BICD1: variants seen among roughly 807,000 people sequenced by gnomAD.
The protein encoded by BICD1 is protein bicaudal D homolog 1.
A neutral mutation model predicts 92.5 loss-of-function variants in BICD1; 35 were observed. The observed-to-expected ratio is 0.38, with a 90% confidence interval of 0.29 to 0.50. The LOEUF (loss-of-function observed/expected upper bound fraction) is 0.50, where lower values mean the gene tolerates loss of function less well. Among genes scored for constraint, BICD1 ranks in the 20% least tolerant of loss-of-function variants. The probability of loss-of-function intolerance (pLI) is 0.93; values close to 1 mark genes in which losing one functional copy is unlikely to be tolerated. For missense variants in BICD1, 950 were observed against 1,189.8 expected (o/e 0.80, Z 2.97); for synonymous variants, 429 against 465.1 (o/e 0.92, Z 1.00).
chr12:32,185,658 G>T (rs1212801973), intron 1 of BICD1, among the ~76,000 whole-genome samples: 3 of 152,228 alleles, frequency 2.0e-5, no homozygotes, highest in African/African-American at 7.2e-5. Context: ...CTGCAGTCGT[G>T]CAGGAGAGGG....
chr12:32,338,979 G>A lies in BICD1; in HGVS notation c.2764G>A (p.Asp922Asn), dbSNP rs756728997. The A allele has an allele frequency of 1.9e-6, 3 of 1,586,356 alleles. No individual in the cohort carries two copies. In the South Asian group the frequency reaches 3.5e-5, roughly 18 times the overall value. ...KEKRLTVAPP[D>N]CQQPAASVPP... is the part of the protein sequence containing the mutation. ...AAAAAGGTTAACCGTGGCTCCACCA[G>A]GTAAACATTTTTTCCTTGGGTGCAT... The change falls in exon 8 of 10, where the codon GAT becomes AAT. Residue 922 changes from aspartate to asparagine, a missense_variant and splice_region_variant. By Grantham distance (23) the Asp-to-Asn change is conservative. Transcript: ENST00000652176.
chr12:32,265,535 C>G (rs1458104126), intron 2 of BICD1, among the ~76,000 whole-genome samples: 6 of 137,428 alleles, frequency 4.4e-5, no homozygotes, highest in Non-Finnish European at 9.3e-5. Context: ...ATAGTGAGAC[C>G]CCGTTTCTAC....
intron 8 of BICD1, among the ~76,000 whole-genome samples, chr12:32,361,646 G>A (rs112398335): frequency 4.4e-4 from 67 of 152,266 alleles, no homozygotes; most frequent in African/African-American, 1.6e-3. Context: ...TAGTTTTCAT[G>A]GGAACACGTG....
At chr12:32,162,836 A>G (rs542185309) in intron 1 of BICD1, among the ~76,000 whole-genome samples, 1 of 152,178 alleles carries the variant, frequency 6.6e-6, no homozygotes. Context: ...AAACAAAAAA[A>G]TTAGCCAGGC....
At chr12:32,140,165 T>C (rs1942865774) in intron 1 of BICD1, among the ~76,000 whole-genome samples, 1 of 152,196 alleles carries the variant, frequency 6.6e-6, no homozygotes, top group Admixed American at 6.5e-5. Context: ...TTTTTTTTCC[T>C]GCATGGGTCT....
intron 2 of BICD1, among the ~76,000 whole-genome samples, chr12:32,267,769 GCTCT>G (rs752895404): frequency 9.2e-5 from 14 of 151,952 alleles, no homozygotes; most frequent in African/African-American, 3.4e-4. Context: ...CTGTTTCTAG[GCTCT>G]CTATTTTGTT....
intron 4 of BICD1, among the ~76,000 whole-genome samples, chr12:32,315,160 A>G (rs1442642359): frequency 2.0e-5 from 3 of 152,138 alleles, no homozygotes; most frequent in Non-Finnish European, 2.9e-5. Flanking sequence ...CAACATTACT[A>G]TTTTACACGT....
At chr12:32,354,520 T>C (rs575813538) in intron 8 of BICD1, among the ~76,000 whole-genome samples, 1 of 152,336 alleles carries the variant, frequency 6.6e-6, no homozygotes, top group African/African-American at 2.4e-5. Context: ...ATAATGGACT[T>C]TGCTGTGTTA....
chr12:32,153,855 C>T (rs929136250), intron 1 of BICD1, among the ~76,000 whole-genome samples: 2 of 150,476 alleles, frequency 1.3e-5, no homozygotes, highest in African/African-American at 2.4e-5. Flanking sequence ...ATGTAATAAA[C>T]ATCATGTATA....
At position 32,107,263 on chromosome 12, in the gene BICD1, C is replaced by G; in HGVS notation, c.-69C>G. 2 of 1,396,746 alleles carry G rather than the reference C, an allele frequency of 1.4e-6. No homozygotes were observed. Among genetic ancestry groups the G allele is most frequent in the Admixed American group, 2.2e-5 (1 of 46,488 alleles). 86.5% of individuals were successfully genotyped at this position (1,396,746 alleles called of 1,614,324 possible). On this transcript the variant is annotated 5_prime_UTR_variant, in exon 1 of 10. Coordinates refer to ENST00000652176, the MANE Select transcript of BICD1 (RefSeq NM_001714.4). ...CCCATCCCTTCCCATTTCCTTCTCC[C>G]TTTCCCCGCCAGCTTCGCATCCATC...
intron 1 of BICD1, among the ~76,000 whole-genome samples, chr12:32,131,459 G>A (rs1355859459): frequency 6.6e-6 from 1 of 152,122 alleles, no homozygotes; most frequent in Non-Finnish European, 1.5e-5. Flanking sequence ...CAGTTAGCCA[G>A]AATTTACACA....
At chr12:32,308,845 A>T (rs962563670) in intron 4 of BICD1, among the ~76,000 whole-genome samples, 1 of 152,188 alleles carries the variant, frequency 6.6e-6, no homozygotes, top group Admixed American at 6.5e-5. Context: ...GCAAAGATGT[A>T]GAGGGGCGCA....
intron 8 of BICD1, among the ~76,000 whole-genome samples, chr12:32,359,196 C>T (rs961804632): frequency 2.0e-5 from 3 of 152,150 alleles, no homozygotes; most frequent in African/African-American, 7.2e-5. Flanking sequence ...ATCATCTGTT[C>T]TTATTGAAAG....
chr12:32,282,198 TCTTC>T (rs1947428433), intron 2 of BICD1, among the ~76,000 whole-genome samples: 1 of 76,542 alleles, frequency 1.3e-5, no homozygotes, highest in Non-Finnish European at 2.9e-5. Context: ...CTTCAGGTCT[TCTTC>T]TTTTTTTTTT....
intron 2 of BICD1, among the ~76,000 whole-genome samples, chr12:32,278,613 G>A (rs559903858): frequency 5.6e-4 from 85 of 152,242 alleles, no homozygotes; most frequent in African/African-American, 2.0e-3. Context: ...CAGCACTTTC[G>A]GAGGCCGCGG....
intron 9 of BICD1, among the ~76,000 whole-genome samples, chr12:32,369,897 C>A (rs926637866): frequency 6.6e-6 from 1 of 151,928 alleles, no homozygotes; most frequent in Non-Finnish European, 1.5e-5. Context: ...CAGAGTGAGA[C>A]CCTGTCTCAA....
chr12:32,216,221 T>C (rs1945356736), intron 1 of BICD1, 26 bp from the exon 2 acceptor site: 1 of 1,605,254 alleles, frequency 6.2e-7, no homozygotes, highest in Non-Finnish European at 8.5e-7. Context: ...CATTGTGTAC[T>C]CTTTTTCTTC....
At chr12:32,332,348 C>G (rs1937915475) in intron 5 of BICD1, 1 of 688,042 alleles carries the variant, frequency 1.5e-6, no homozygotes. Context: ...TGTAACAAAC[C>G]TGCACATCCT....
In BICD1 at chr12:32,381,590, CTT is replaced by C. The variant is rs1940181604; in HGVS notation, c.*3966_*3967del. 1 of 152,082 alleles carries C rather than the reference CTT, an allele frequency of 6.6e-6. No homozygotes were observed. Among genetic ancestry groups the C allele is most frequent in the African/African-American group, 2.4e-5 (1 of 41,436 alleles). The allele number at this position is 152,082 out of a possible 1,614,324, so 9.4% of individuals were successfully genotyped here. On this transcript the variant is annotated 3_prime_UTR_variant, in exon 10 of 10. Coordinates refer to ENST00000652176, the MANE Select transcript of BICD1 (RefSeq NM_001714.4). Reference sequence around the variant, plus strand: ...ACATGAAAAGGAAGAAATGAAATATCTTTTCTTCTGGGATGAGTGTCAATTTT... The same window carrying C: ...ACATGAAAAGGAAGAAATGAAATATCTTCTTCTGGGATGAGTGTCAATTTT...
Sources: allele counts gnomAD v4.1 joint callset (sites outside exome capture counted in the v4.1 genomes callset), GRCh38; gene constraint gnomAD v4.1.1; transcripts MANE v1.5; gene names NCBI Gene and HGNC (gene_info 2026-07-23, HGNC 2026-07-21).